Variants in PAK1 observed in about 807,000 individuals in gnomAD.
PAK1 encodes the protein serine/threonine-protein kinase PAK 1.
In PAK1, 29 loss-of-function variants were observed where a neutral mutation model predicts 67.4. The observed-to-expected ratio is 0.43, with a 90% CI of 0.32 to 0.59. The LOEUF is 0.59. Among genes scored for constraint, PAK1 ranks in the 20% least tolerant of loss-of-function variants. The pLI, the probability that PAK1 is intolerant of heterozygous loss-of-function variation, is 0.07. For missense variants in PAK1, 337 were observed against 670.7 expected (o/e 0.50, Z 5.50); for synonymous variants, 223 against 237.4 (o/e 0.94, Z 0.56).
intron 2 of PAK1, among the ~76,000 whole-genome samples, chr11:77,385,933 A>G (rs1340577787): frequency 6.6e-6 from 1 of 152,216 alleles, no homozygotes; most frequent in Non-Finnish European, 1.5e-5. Flanking sequence ...ATGAGTTGTC[A>G]TTAATATAAA....
chr11:77,344,298 GA>G (rs1349930274), intron 9 of PAK1, among the ~76,000 whole-genome samples: 1 of 152,234 alleles, frequency 6.6e-6, no homozygotes, highest in Non-Finnish European at 1.5e-5. Context: ...TGCTATAACA[GA>G]GGCTCATACA....
chr11:77,472,592 G>A lies in PAK1; in HGVS notation c.-22+960C>T, dbSNP rs144997467. Among the ~76,000 whole-genome samples, 590 of 152,336 alleles carry A rather than the reference G, an allele frequency of 3.9e-3. 9 individuals are homozygous for A. The highest frequency in any genetic ancestry group is 0.013 in the African/African-American group (557 of 41,568). ...TGACCTGCTCAAGGTCACACAAGAA[G>A]TAGATGAAGCCACAGGGTAAGAGAG... On this transcript the variant is annotated intron_variant, in intron 1 of 14. Coordinates refer to ENST00000356341, the MANE Select transcript of PAK1 (RefSeq NM_002576.5).
At chr11:77,390,725 C>T (rs1015065186) in intron 2 of PAK1, among the ~76,000 whole-genome samples, 3 of 147,534 alleles carry the variant, frequency 2.0e-5, no homozygotes, top group Non-Finnish European at 4.5e-5. Flanking sequence ...TAGTCTCAAA[C>T]TCCTGAGCTC....
chr11:77,443,107 G>A (rs1255872150), intron 1 of PAK1, among the ~76,000 whole-genome samples: 2 of 151,918 alleles, frequency 1.3e-5, no homozygotes, highest in African/African-American at 2.4e-5. Flanking sequence ...GGTGGATCAC[G>A]AGGTCAGGAG....
At chr11:77,477,472 T>C (rs1047633183), upstream of PAK1, among the ~76,000 whole-genome samples, 1 of 147,104 alleles carries the variant, frequency 6.8e-6, no homozygotes, top group Non-Finnish European at 1.5e-5. Flanking sequence ...GGCTCATGCC[T>C]GTAATCCCAG....
At chr11:77,336,034 G>T in intron 13 of PAK1, 52 bp downstream of exon 13, 1 of 1,168,622 alleles carries the variant, frequency 8.6e-7, no homozygotes, top group African/African-American at 1.5e-5. Flanking sequence ...CTTATTTCCT[G>T]GGACTAGAGA....
the PAK1 span, among the ~76,000 whole-genome samples, chr11:77,512,283 T>A: frequency 6.6e-6 from 1 of 152,102 alleles, no homozygotes; most frequent in African/African-American, 2.4e-5. Flanking sequence ...TCCCCCTATT[T>A]CAGATTTCTC....
intron 5 of PAK1, among the ~76,000 whole-genome samples, chr11:77,370,794 T>C (rs971785578): frequency 3.9e-5 from 6 of 152,234 alleles, no homozygotes; most frequent in Non-Finnish European, 7.3e-5. Context: ...GTTTACTATC[T>C]TGATCCAATT....
intron 5 of PAK1, among the ~76,000 whole-genome samples, chr11:77,364,689 G>GA (rs1021144581): frequency 1.3e-4 from 20 of 152,176 alleles, no homozygotes; most frequent in African/African-American, 4.8e-4. Context: ...GACCTAGGGG[G>GA]AAAAAAGCAA....
At chr11:77,478,176 T>TCCAAACTACACTGGTGAC (rs1491275576), upstream of PAK1, among the ~76,000 whole-genome samples, 3 of 151,808 alleles carry the variant, frequency 2.0e-5, no homozygotes, top group Non-Finnish European at 4.4e-5. Flanking sequence ...GAAAACAGAG[T>TCCAAACTACACTGGTGAC]CCAAACTACA....
Position 77,322,597 on chromosome 11 carries a change from G to T in PAK1, c.*677C>A, listed in dbSNP as rs538047654. 8.2e-5 allele frequency: 17 copies of T among 208,386 alleles called. No homozygotes were observed. The East Asian group carries it at 1.3e-3, about 16-fold the overall frequency. The allele number at this position is 208,386 out of a possible 1,614,324, so 12.9% of individuals were successfully genotyped here. ...GGGGCAGCAGCCTAGGGTATGCAGG[G>T]AATCAAAAGCTGCTACATAGCCGAG... is the stretch of plus-strand genomic sequence containing the variant. On this transcript the variant is annotated 3_prime_UTR_variant, in exon 15 of 15. Coordinates refer to ENST00000356341, the MANE Select transcript of PAK1 (RefSeq NM_002576.5).
At chr11:77,518,611 G>A in the PAK1 span, among the ~76,000 whole-genome samples, 3 of 152,096 alleles carry the variant, frequency 2.0e-5, no homozygotes, top group Non-Finnish European at 4.4e-5. Context: ...AATGAGATGT[G>A]TGAGAGAGAA....
At chr11:77,445,228 T>C (rs1203767871) in intron 1 of PAK1, among the ~76,000 whole-genome samples, 1 of 152,056 alleles carries the variant, frequency 6.6e-6, no homozygotes. Flanking sequence ...TAACAGAAAC[T>C]AGGATAGAGG....
At chr11:77,385,126 C>T (rs2729757) in intron 2 of PAK1, among the ~76,000 whole-genome samples, 1 of 151,990 alleles carries the variant, frequency 6.6e-6, no homozygotes, top group African/African-American at 2.4e-5. Flanking sequence ...TTCTAAAATG[C>T]TGAAAGCTTT....
chr11:77,422,363 C>T (rs1206522436), intron 1 of PAK1, among the ~76,000 whole-genome samples: 1 of 152,046 alleles, frequency 6.6e-6, no homozygotes, highest in Non-Finnish European at 1.5e-5. Context: ...GAGTTTGAGA[C>T]CAGCCCGGCT....
At chr11:77,523,656 G>C in the PAK1 span, among the ~76,000 whole-genome samples, 3 of 152,236 alleles carry the variant, frequency 2.0e-5, 1 homozygote, top group South Asian at 6.2e-4. Flanking sequence ...CTGACCTCGT[G>C]ATCCTCCCGC....
At chr11:77,364,262 C>T (rs1947196900) in intron 5 of PAK1, among the ~76,000 whole-genome samples, 1 of 152,144 alleles carries the variant, frequency 6.6e-6, no homozygotes, top group Non-Finnish European at 1.5e-5. Context: ...TGAAAAAGGC[C>T]TAAACAGTAA....
At chr11:77,359,047 T>TG in intron 5 of PAK1, 30 bp from the exon 6 acceptor site, 1 of 1,604,806 alleles carries the variant, frequency 6.2e-7, no homozygotes, top group Non-Finnish European at 8.5e-7. Context: ...AAGATGCATC[T>TG]GGTCCAGCTG....
intron 9 of PAK1, among the ~76,000 whole-genome samples, chr11:77,346,209 T>C (rs894791650): frequency 1.3e-5 from 2 of 152,168 alleles, no homozygotes; most frequent in Non-Finnish European, 2.9e-5. Context: ...CCTGATCTCG[T>C]AATCTGCCTG....
Sources: allele counts gnomAD v4.1 joint callset (sites outside exome capture counted in the v4.1 genomes callset), GRCh38; gene constraint gnomAD v4.1.1; transcripts MANE v1.5; gene names NCBI Gene and HGNC (gene_info 2026-07-23, HGNC 2026-07-21).